The following PSMD7 variants were observed in gnomAD, a reference collection of about 807,000 sequenced individuals.
PSMD7 encodes proteasome 26S subunit, non-ATPase 7.
In PSMD7, 13 loss-of-function variants were observed where a neutral mutation model predicts 36.4. The ratio of observed to expected loss-of-function variants is 0.36; its 90% confidence interval spans 0.23 to 0.57. The LOEUF (loss-of-function observed/expected upper bound fraction) is 0.57, where lower values mean the gene tolerates loss of function less well. Among genes scored for constraint, PSMD7 ranks in the 20% least tolerant of loss-of-function variants. The pLI, the probability that PSMD7 is intolerant of heterozygous loss-of-function variation, is 0.83. For missense variants in PSMD7, 298 were observed against 393.6 expected, an observed-to-expected ratio of 0.76 and a Z score of 2.06; for synonymous variants, 186 against 151.0, an observed-to-expected ratio of 1.23 and a Z score of -1.70.
intron 1 of PSMD7, among the ~76,000 whole-genome samples, chr16:74,297,793 T>G (rs1441977769): frequency 6.6e-6 from 1 of 152,048 alleles, no homozygotes; most frequent in Non-Finnish European, 1.5e-5. Flanking sequence ...AGCTTCAATT[T>G]GGCCCTGACC....
intron 5 of PSMD7, among the ~76,000 whole-genome samples, chr16:74,302,705 T>A (rs1278807676): frequency 1.3e-5 from 2 of 152,214 alleles, no homozygotes; most frequent in Non-Finnish European, 2.9e-5. Context: ...ATCACACCAC[T>A]GCATTCCAAC....
chr16:74,300,380 A>ATGAT, intron 2 of PSMD7, 174 bp downstream of exon 2: 1 of 628,504 alleles, frequency 1.6e-6, no homozygotes, highest in Non-Finnish European at 2.8e-6. Context: ...AAATATTTTA[A>ATGAT]ACTTGCAGGC....
intron 1 of PSMD7, among the ~76,000 whole-genome samples, chr16:74,298,902 A>G (rs1401161576): frequency 6.6e-6 from 1 of 152,158 alleles, no homozygotes; most frequent in African/African-American, 2.4e-5. Context: ...TAGCTTCTCT[A>G]TCAAGTAAGT....
chr16:74,298,157 A>C (rs1201743411), intron 1 of PSMD7, among the ~76,000 whole-genome samples: 4 of 77,782 alleles, frequency 5.1e-5, no homozygotes, highest in Admixed American at 4.4e-4. Flanking sequence ...CCCTGTCTCC[A>C]AAAAAAAAAA....
chr16:74,297,809 C>A (rs779178769), intron 1 of PSMD7, among the ~76,000 whole-genome samples: 2 of 152,182 alleles, frequency 1.3e-5, no homozygotes, highest in African/African-American at 2.4e-5. Flanking sequence ...TGACCCCCGC[C>A]CCCAGGGTCG....
At position 74,296,871 on chromosome 16, in the gene PSMD7, TG is replaced by T; in HGVS notation, c.-43del. ...GGTGACCGCTACTGCTGCCGGTGTT[TG>T]CGTGTGGCAGGGAGCCAGGCCTGGC... On this transcript the variant is annotated 5_prime_UTR_variant, in exon 1 of 7. Coordinates refer to ENST00000219313, the MANE Select transcript of PSMD7 (RefSeq NM_002811.5). 1.9e-6 allele frequency: 3 copies of T among 1,606,386 alleles called. No individual in the cohort carries two copies. The highest frequency in any genetic ancestry group is 2.6e-6 in the Non-Finnish European group (3 of 1,175,644).
In PSMD7 at chr16:74,305,689, G is replaced by GAA; in HGVS notation, c.934_935dup (p.Ser313ArgfsTer4). The GAA allele has an allele frequency of 1.3e-6, 2 of 1,487,702 alleles. No homozygotes were observed. Among genetic ancestry groups the GAA allele is most frequent in the Non-Finnish European group, 1.8e-6 (2 of 1,115,840 alleles). The allele number at this position is 1,487,702 out of a possible 1,614,324, so 92.2% of individuals were successfully genotyped here. A position where few individuals can be genotyped will look rare whatever the true frequency, so the allele number is the denominator to read the frequency against. ...GGACAAGGAGAAAGATAAAGATAAGGAAAAGAGTGATGTAAAGAAAGAGGA... is the reference window on the plus strand; with the variant it reads ...GGACAAGGAGAAAGATAAAGATAAGGAAAAAAGAGTGATGTAAAGAAAGAGGA... On this transcript the variant is annotated frameshift_variant, in exon 7 of 7. Coordinates refer to ENST00000219313, the MANE Select transcript of PSMD7 (RefSeq NM_002811.5). LOFTEE classifies it high-confidence loss of function.
At chr16:74,300,516 G>A (rs755358436) in intron 2 of PSMD7, 3 of 388,852 alleles carry the variant, frequency 7.7e-6, no homozygotes, top group Non-Finnish European at 1.4e-5. Flanking sequence ...AGCTGGCACA[G>A]TTTGTCAGCC....
chr16:74,303,649 C>T (rs562951815), intron 5 of PSMD7, among the ~76,000 whole-genome samples: 1 of 152,168 alleles, frequency 6.6e-6, no homozygotes, highest in East Asian at 1.9e-4. Flanking sequence ...CAAAAAAGGG[C>T]TAAAAGTTTT....
chr16:74,305,812 T>C lies in PSMD7; in HGVS notation c.*79T>C. The C allele has an allele frequency of 7.3e-7, 1 of 1,363,850 alleles. No homozygotes were observed. Among genetic ancestry groups the C allele is most frequent in the Non-Finnish European group, 9.4e-7 (1 of 1,060,420 alleles). The allele number at this position is 1,363,850 out of a possible 1,614,324, so 84.5% of individuals were successfully genotyped here. On this transcript the variant is annotated 3_prime_UTR_variant, in exon 7 of 7. Transcript: ENST00000219313. ...TCAGTGTGCTGCTAGAGGGTTCTTT[T>C]TCACTTGACATGCTTATTAGAAAGC...
At chr16:74,298,441 G>T (rs1304298817) in intron 1 of PSMD7, among the ~76,000 whole-genome samples, 2 of 152,198 alleles carry the variant, frequency 1.3e-5, no homozygotes, top group Admixed American at 6.5e-5. Context: ...AACTAATTCA[G>T]CTGGATCCGG....
intron 1 of PSMD7, chr16:74,299,603 A>G (rs745890684): frequency 8.8e-6 from 4 of 453,846 alleles, no homozygotes; most frequent in South Asian, 3.1e-5. Context: ...CACGCTGCCC[A>G]TGCTCGTCTC....
chr16:74,305,171 C>A, intron 6 of PSMD7, 118 bp from the exon 7 acceptor site: 1 of 1,285,586 alleles, frequency 7.8e-7, no homozygotes. Flanking sequence ...TGACATTTTT[C>A]TTTTAAAAAC....
At chr16:74,301,677 T>C in intron 4 of PSMD7, 25 bp downstream of exon 4, 4 of 1,580,172 alleles carry the variant, frequency 2.5e-6, no homozygotes, top group Non-Finnish European at 3.5e-6. Flanking sequence ...TTTTTAAAAC[T>C]CTTGAATGAT....
rs2034161902 is a variant in PSMD7 at position 74,302,292 on chromosome 16, T to C, written c.438T>C (p.Asp146=). ...EAYISVEEVH[D]DGTPTSKTFE... ...ACATTTCAGTGGAAGAAGTCCATGATGTAAGTCATCTTGCTATGAACCTGG... is the reference window on the plus strand; with the variant it reads ...ACATTTCAGTGGAAGAAGTCCATGACGTAAGTCATCTTGCTATGAACCTGG... The change falls in exon 5 of 7, where the codon GAT becomes GAC. Residue 146 remains aspartate (D), a splice_region_variant and synonymous_variant. Transcript: ENST00000219313. 1 of 1,613,404 alleles carries C rather than the reference T, an allele frequency of 6.2e-7. No homozygotes were observed.
At chr16:74,301,735 G>A in intron 4 of PSMD7, 83 bp downstream of exon 4, 3 of 1,100,608 alleles carry the variant, frequency 2.7e-6, no homozygotes, top group East Asian at 4.7e-5. Context: ...AAGAATTTGA[G>A]TAGCAAATCT....
At chr16:74,297,109 A>G (rs543073481) in intron 1 of PSMD7, 121 bp downstream of exon 1, 2 of 1,065,140 alleles carry the variant, frequency 1.9e-6, no homozygotes, top group Non-Finnish European at 2.8e-6. Flanking sequence ...GGTGACCCTT[A>G]CTTGTTCACG....
Position 74,305,075 on chromosome 16 carries a change from T to C in PSMD7, c.531-214T>C, listed in dbSNP as rs1274130533. 3 of 622,608 alleles carry C rather than the reference T, an allele frequency of 4.8e-6. No homozygotes were observed. The African/African-American group carries it at 5.6e-5, about 12-fold the overall frequency. 38.6% of individuals were successfully genotyped at this position (622,608 alleles called of 1,614,324 possible). On this transcript the variant is annotated intron_variant, in intron 6 of 6. Transcript: ENST00000219313. Reference sequence around the variant, plus strand: ...CCTTTTATAATTGTTTTTTGAAAAATGTCCTGTGATGAGAAAGATAAAATG... The same window carrying C: ...CCTTTTATAATTGTTTTTTGAAAAACGTCCTGTGATGAGAAAGATAAAATG...
intron 5 of PSMD7, 26 bp downstream of exon 5, chr16:74,302,318 G>A (rs746940132): frequency 2.1e-5 from 33 of 1,579,828 alleles, no homozygotes; most frequent in Non-Finnish European, 2.7e-5. Context: ...ATGAACCTGG[G>A]AGGTTAGACT....
Sources: allele counts gnomAD v4.1 joint callset (sites outside exome capture counted in the v4.1 genomes callset), GRCh38; gene constraint gnomAD v4.1.1; transcripts MANE v1.5; gene names NCBI Gene and HGNC (gene_info 2026-07-23, HGNC 2026-07-21).